Variants in PCDHGB2 observed in about 807,000 individuals in gnomAD.
PCDHGB2 encodes the protein protocadherin gamma-B2.
Under a neutral mutation model 59.3 loss-of-function variants are expected in PCDHGB2, and 55 were observed. That is an observed-to-expected ratio of 0.93 (90% CI 0.75 to 1.16). The LOEUF (loss-of-function observed/expected upper bound fraction) is 1.16, where lower values mean the gene tolerates loss of function less well. Among genes scored for constraint, PCDHGB2 ranks in the 50% most tolerant of loss-of-function variants. The pLI, the probability that PCDHGB2 is intolerant of heterozygous loss-of-function variation, is 0.00. For synonymous variants in PCDHGB2, 516 were observed against 512.0 expected (o/e 1.01, Z -0.11); for missense variants, 1,228 against 1,198.5 (o/e 1.02, Z -0.36).
At chr5:141,415,810 T>TATATATC in intron 1 of PCDHGB2, 1 of 1,360,418 alleles carries the variant, frequency 7.4e-7, no homozygotes, top group Non-Finnish European at 9.5e-7. Flanking sequence ...AATCAAGGCC[T>TATATATC]ATATATCATA....
chr5:141,389,274 C>A, intron 1 of PCDHGB2: 1 of 1,614,032 alleles, frequency 6.2e-7, no homozygotes, highest in Non-Finnish European at 8.5e-7. Flanking sequence ...CGAGAACAAC[C>A]CGCCTGGAGC....
rs573137440 is a variant in PCDHGB2 at position 141,365,509 on chromosome 5, A to G, written c.2421+2953A>G. 14 of 1,613,912 alleles carry G rather than the reference A, an allele frequency of 8.7e-6. No individual in the cohort carries two copies. The East Asian group carries it at 2.9e-4, about 33-fold the overall frequency. On this transcript the variant is annotated intron_variant, in intron 1 of 3. Transcript: ENST00000522605. ...CTATTCCTAGGAATTTGCCTTTTAA[A>G]TTGGAGAAGTCAGTTGATAATTACT...
chr5:141,495,109 C>A (rs1445945970), intron 2 of PCDHGB2, among the ~76,000 whole-genome samples: 3 of 152,278 alleles, frequency 2.0e-5, no homozygotes, highest in South Asian at 2.1e-4. Context: ...CGACCGGCAC[C>A]TTTTCCTATC....
chr5:141,453,609 G>A (rs1208329212), intron 1 of PCDHGB2, among the ~76,000 whole-genome samples: 3 of 151,900 alleles, frequency 2.0e-5, no homozygotes, highest in South Asian at 4.2e-4. Context: ...TTTGCAAAAC[G>A]CAAAAACAAA....
rs1464961193 is a variant in PCDHGB2 at position 141,432,346 on chromosome 5, A to G, written c.2422-62461A>G. The G allele has an allele frequency of 6.2e-7, 1 of 1,614,192 alleles. No homozygotes were observed. Among genetic ancestry groups the G allele is most frequent in the African/African-American group, 1.3e-5 (1 of 75,054 alleles). On this transcript the variant is annotated intron_variant, in intron 1 of 3. Coordinates refer to ENST00000522605, the MANE Select transcript of PCDHGB2 (RefSeq NM_018923.3). This position sits in a 1 kb window ranked among gnomAD's most constrained non-coding sequence, Gnocchi z 6.0. ...ACTACGAGCAGTTCCGAGACTTGCA[A>G]GTGAAAGTGATGGCGCGGGACAACG...
intron 1 of PCDHGB2, chr5:141,383,672 G>A: frequency 6.2e-7 from 1 of 1,614,030 alleles, no homozygotes; most frequent in Non-Finnish European, 8.5e-7. Flanking sequence ...GTGCCAGTGG[G>A]TACAAGACTG....
chr5:141,446,468 A>G (rs2098503159), intron 1 of PCDHGB2, among the ~76,000 whole-genome samples: 1 of 149,982 alleles, frequency 6.7e-6, no homozygotes, highest in African/African-American at 2.5e-5. Flanking sequence ...GTGATTAGAC[A>G]TATGGTCATC....
intron 1 of PCDHGB2, chr5:141,385,631 G>A (rs539938751): frequency 7.4e-6 from 7 of 947,722 alleles, no homozygotes; most frequent in Middle Eastern, 4.4e-4. Flanking sequence ...GGAATGAATC[G>A]AGTCTTTCAT....
In PCDHGB2 at chr5:141,459,352, C is replaced by T. The variant is rs111826527; in HGVS notation, c.2422-35455C>T. On this transcript the variant is annotated intron_variant, in intron 1 of 3. Coordinates refer to ENST00000522605, the MANE Select transcript of PCDHGB2 (RefSeq NM_018923.3). Reference sequence around the variant, plus strand: ...TACTCCAAAGTTCTTGAAATTCATTCATGTTCCTGTGTGTATCAGCAGCGT... The same window carrying T: ...TACTCCAAAGTTCTTGAAATTCATTTATGTTCCTGTGTGTATCAGCAGCGT... 1.4e-4 allele frequency among the ~76,000 whole-genome samples: 21 copies of T among 152,304 alleles called. No homozygotes were observed. The East Asian group carries it at 3.7e-3, about 27-fold the overall frequency.
chr5:141,376,351 G>A (rs1333788917), intron 1 of PCDHGB2: 4 of 1,614,178 alleles, frequency 2.5e-6, no homozygotes, highest in Non-Finnish European at 3.4e-6. Context: ...ATTCCCACGA[G>A]GTCTCACTCA....
chr5:141,409,047 G>A, intron 1 of PCDHGB2: 1 of 1,613,982 alleles, frequency 6.2e-7, no homozygotes, highest in Non-Finnish European at 8.5e-7. Context: ...TACTACTTCC[G>A]AAGCACTGCC....
At chr5:141,414,090 A>C (rs2095707874) in intron 1 of PCDHGB2, 4 of 1,598,352 alleles carry the variant, frequency 2.5e-6, no homozygotes, top group Non-Finnish European at 3.4e-6. Context: ...CTGGAGAAAT[A>C]AAAATATCAG....
intron 1 of PCDHGB2, among the ~76,000 whole-genome samples, chr5:141,381,279 A>G (rs1001552478): frequency 3.3e-5 from 5 of 152,246 alleles, no homozygotes; most frequent in Non-Finnish European, 7.3e-5. Flanking sequence ...GTTTCTTGCC[A>G]GGTCTTTATT....
rs775092851 is a variant in PCDHGB2 at position 141,388,890 on chromosome 5, A to G, written c.2421+26334A>G. ...GCAATGCACAGTGGAGGTAGAAGTC[A>G]TAGATGAAAATGACAACGCCCCAGA... On this transcript the variant is annotated intron_variant, in intron 1 of 3. Coordinates refer to ENST00000522605, the MANE Select transcript of PCDHGB2 (RefSeq NM_018923.3). The G allele has an allele frequency of 3.7e-6, 6 of 1,613,888 alleles. No individual in the cohort carries two copies. The African/African-American group carries it at 6.7e-5, about 18-fold the overall frequency.
intron 1 of PCDHGB2, chr5:141,422,893 C>T (rs1405800318): frequency 3.1e-6 from 5 of 1,614,128 alleles, no homozygotes; most frequent in Admixed American, 3.3e-5. Flanking sequence ...CGTGCTGGAC[C>T]AGAACGACAA....
intron 1 of PCDHGB2, chr5:141,415,152 C>T (rs758450562): frequency 6.2e-7 from 1 of 1,613,812 alleles, no homozygotes; most frequent in Admixed American, 1.7e-5. Context: ...CCCCTCTCTC[C>T]GCCACTGTCA....
intron 1 of PCDHGB2, chr5:141,384,943 G>A (rs777478209): frequency 5.6e-6 from 9 of 1,613,996 alleles, no homozygotes; most frequent in African/African-American, 2.7e-5. Context: ...TGAGCCCTCC[G>A]ACGGTCCTTA....
chr5:141,506,216 T>A (rs2237080), intron 3 of PCDHGB2, among the ~76,000 whole-genome samples: 78,167 of 151,604 alleles, frequency 0.52, 20,820 homozygotes, highest in African/African-American at 0.63. Flanking sequence ...TTTGGGAAGC[T>A]GAGGCAGGAG....
At chr5:141,398,387 G>T in intron 1 of PCDHGB2, 2 of 1,455,430 alleles carry the variant, frequency 1.4e-6, no homozygotes, top group Non-Finnish European at 1.9e-6. Context: ...TTGCTTGTGA[G>T]CAGCAGGCTA....
Sources: gnomAD v4.1 joint callset for allele counts (sites outside exome capture counted in the v4.1 genomes callset) on GRCh38, gnomAD v4.1.1 for gene constraint, Gnocchi (gnomAD v3.1) non-coding constraint, MANE v1.5 for transcripts, NCBI Gene and HGNC (gene_info 2026-07-23, HGNC 2026-07-21) for gene names.